The following SPON1 variants were observed in gnomAD, a reference collection of about 807,000 sequenced individuals.
SPON1 encodes the protein spondin-1.
SPON1 carries 52 observed loss-of-function variants against 111.7 expected under a neutral mutation model. The observed-to-expected ratio is 0.47, with a 90% CI of 0.37 to 0.59. The LOEUF is 0.59. SPON1 is among the 20% of genes least tolerant of loss of function. SPON1 has a pLI of 0.00. For synonymous variants in SPON1, 410 were observed against 395.8 expected, an observed-to-expected ratio of 1.04 and a Z score of -0.43; for missense variants, 957 against 1,068.5, an observed-to-expected ratio of 0.90 and a Z score of 1.46.
At chr11:14,010,114 G>C (rs1259370003) in intron 2 of SPON1, among the ~76,000 whole-genome samples, 1 of 152,208 alleles carries the variant, frequency 6.6e-6, no homozygotes, top group Non-Finnish European at 1.5e-5. Flanking sequence ...TGGCAAGGCT[G>C]AGATCAGTTG....
intron 3 of SPON1, among the ~76,000 whole-genome samples, chr11:14,051,135 TG>T (rs1236197620): frequency 6.6e-6 from 1 of 152,172 alleles, no homozygotes; most frequent in African/African-American, 2.4e-5. Context: ...AAAATCCATT[TG>T]TTGAAGTTTA....
intron 1 of SPON1, among the ~76,000 whole-genome samples, chr11:13,977,177 T>C (rs1428221162): frequency 6.6e-6 from 1 of 152,198 alleles, no homozygotes; most frequent in Non-Finnish European, 1.5e-5. Context: ...ATAGGTATCT[T>C]TGGTGCACAT....
chr11:14,238,595 G>C (rs1256194406), intron 6 of SPON1, among the ~76,000 whole-genome samples: 1 of 152,052 alleles, frequency 6.6e-6, no homozygotes, highest in Admixed American at 6.5e-5. Flanking sequence ...TTATCTCCTG[G>C]TATTGATGTA....
chr11:13,977,997 C>A (rs1554909189), intron 1 of SPON1, among the ~76,000 whole-genome samples: 1 of 152,058 alleles, frequency 6.6e-6, no homozygotes, highest in African/African-American at 2.4e-5. Flanking sequence ...ATGGCAAAAC[C>A]ATTAATGGCC....
rs782454199 is a variant in SPON1 at position 14,135,383 on chromosome 11, GC to G, written c.677-35del. 7 of 1,593,946 alleles carry G rather than the reference GC, an allele frequency of 4.4e-6. No homozygotes were observed. The highest frequency in any genetic ancestry group is 4.3e-6 in the Non-Finnish European group (5 of 1,165,928). On this transcript the variant is annotated intron_variant, in intron 5 of 15. Transcript: ENST00000576479. This position sits in a 1 kb window ranked among gnomAD's most constrained non-coding sequence, Gnocchi z 4.4. ...TTAAGGGACTCGTGTTTCAGCCACAGCCATGCTGATAACTGCCTCCTGATTG... is the reference window on the plus strand; with the variant it reads ...TTAAGGGACTCGTGTTTCAGCCACAGCATGCTGATAACTGCCTCCTGATTG...
At chr11:14,097,033 A>G (rs1849107009) in intron 5 of SPON1, among the ~76,000 whole-genome samples, 1 of 151,978 alleles carries the variant, frequency 6.6e-6, no homozygotes, top group African/African-American at 2.4e-5. Flanking sequence ...CCCCCATCCC[A>G]CTCAAATGCT....
At chr11:14,097,536 C>T (rs1341182735) in intron 5 of SPON1, among the ~76,000 whole-genome samples, 2 of 152,138 alleles carry the variant, frequency 1.3e-5, no homozygotes, top group Non-Finnish European at 2.9e-5. Context: ...TCGTTATTCC[C>T]ATTTATTGTA....
intron 6 of SPON1, among the ~76,000 whole-genome samples, chr11:14,168,063 G>A (rs1187418665): frequency 1.3e-5 from 2 of 152,078 alleles, no homozygotes; most frequent in East Asian, 1.9e-4. Context: ...ACGTAAAACT[G>A]TTTCTCCAGT....
chr11:14,155,714 T>C (rs1275305078), intron 6 of SPON1, among the ~76,000 whole-genome samples: 1 of 144,010 alleles, frequency 6.9e-6, no homozygotes, highest in Non-Finnish European at 1.5e-5. Flanking sequence ...TGTGTTCTCA[T>C]TGTTCAATTC....
chr11:14,203,827 A>G (rs1408951238), intron 6 of SPON1, among the ~76,000 whole-genome samples: 1 of 152,174 alleles, frequency 6.6e-6, no homozygotes. Context: ...GAAAGGATTG[A>G]GCATGCAGCA....
At chr11:14,161,221 A>ATATATATCTATATATTTATATATC (rs1554931249) in intron 6 of SPON1, among the ~76,000 whole-genome samples, 1 of 75,714 alleles carries the variant, frequency 1.3e-5, no homozygotes, top group Non-Finnish European at 2.6e-5. Flanking sequence ...ATATATATCT[A>ATATATATCTATATATTTATATATC]TATATATTTA....
At chr11:14,058,185 G>T (rs903471718) in intron 3 of SPON1, among the ~76,000 whole-genome samples, 3 of 152,114 alleles carry the variant, frequency 2.0e-5, no homozygotes, top group African/African-American at 7.2e-5. Flanking sequence ...AATCAGGAAG[G>T]CAGGCAAGGA....
chr11:14,239,148 A>G (rs938770163), intron 6 of SPON1, among the ~76,000 whole-genome samples: 1 of 152,130 alleles, frequency 6.6e-6, no homozygotes, highest in Admixed American at 6.5e-5. Context: ...TTGGCTTTCA[A>G]TGGAGGCAAG....
intron 6 of SPON1, among the ~76,000 whole-genome samples, chr11:14,225,535 T>G (rs1370987257): frequency 2.0e-5 from 3 of 152,200 alleles, no homozygotes; most frequent in African/African-American, 7.2e-5. Context: ...TTGGAGATTG[T>G]GCTGTGCCAA....
intron 1 of SPON1, among the ~76,000 whole-genome samples, chr11:13,969,375 A>G (rs1393808779): frequency 6.6e-6 from 1 of 152,068 alleles, no homozygotes; most frequent in Non-Finnish European, 1.5e-5. Context: ...ACAAAGTGAG[A>G]CCCTGTCTCA....
intron 6 of SPON1, among the ~76,000 whole-genome samples, chr11:14,202,858 CAG>C (rs1486521259): frequency 3.3e-4 from 51 of 152,274 alleles, no homozygotes; most frequent in African/African-American, 1.2e-3. Context: ...TTACACCGGG[CAG>C]AGTCAAGCAG....
At chr11:14,049,544 ATC>A (rs1215420834) in intron 3 of SPON1, among the ~76,000 whole-genome samples, 1 of 152,146 alleles carries the variant, frequency 6.6e-6, no homozygotes, top group Non-Finnish European at 1.5e-5. Flanking sequence ...CTTCCACTGC[ATC>A]TCTCTCTCTG....
intron 6 of SPON1, among the ~76,000 whole-genome samples, chr11:14,242,654 G>A (rs900882802): frequency 2.0e-5 from 3 of 152,226 alleles, no homozygotes; most frequent in Admixed American, 1.3e-4. Flanking sequence ...GCCCTATGAA[G>A]ACCATTCAGT....
intron 6 of SPON1, among the ~76,000 whole-genome samples, chr11:14,177,830 A>G (rs531676410): frequency 3.9e-5 from 6 of 152,332 alleles, no homozygotes; most frequent in African/African-American, 1.4e-4. Flanking sequence ...GGACAGCCTG[A>G]AGGTTAGAAG....
Sources: gnomAD v4.1 joint callset for allele counts (sites outside exome capture counted in the v4.1 genomes callset) on GRCh38, gnomAD v4.1.1 for gene constraint, Gnocchi (gnomAD v3.1) non-coding constraint, MANE v1.5 for transcripts, NCBI Gene and HGNC (gene_info 2026-07-23, HGNC 2026-07-21) for gene names.